CYTH1: variants seen among roughly 807,000 people sequenced by gnomAD.
CYTH1 encodes the protein cytohesin-1.
In CYTH1, 18 loss-of-function variants were observed where a neutral mutation model predicts 61.8. The ratio of observed to expected loss-of-function variants is 0.29; its 90% confidence interval spans 0.20 to 0.43. The LOEUF is 0.43. Among genes scored for constraint, CYTH1 ranks in the 20% least tolerant of loss-of-function variants. The pLI is 1.00. For missense variants in CYTH1, 336 were observed against 510.5 expected (o/e 0.66, Z 3.29); for synonymous variants, 174 against 184.3 (o/e 0.94, Z 0.45).
chr17:78,685,015 A>G (rs1359069800), intron 11 of CYTH1, among the ~76,000 whole-genome samples: 18 of 152,108 alleles, frequency 1.2e-4, no homozygotes, highest in Admixed American at 1.2e-3. Flanking sequence ...CCTGACCAAC[A>G]TGGTGAAACC....
At chr17:78,729,569 CACTAGCAAA>C (rs2093282716) in intron 1 of CYTH1, among the ~76,000 whole-genome samples, 1 of 152,122 alleles carries the variant, frequency 6.6e-6, no homozygotes, top group Non-Finnish European at 1.5e-5. Context: ...AACCTTTTGG[CACTAGCAAA>C]ACATAAAGAG....
chr17:78,753,684 G>T (rs1363857149), intron 1 of CYTH1, among the ~76,000 whole-genome samples: 3 of 152,014 alleles, frequency 2.0e-5, no homozygotes, highest in Non-Finnish European at 4.4e-5. Flanking sequence ...GTACTAAATG[G>T]ACTAAATAGG....
At chr17:78,736,093 A>C (rs2093318844) in intron 1 of CYTH1, among the ~76,000 whole-genome samples, 1 of 152,242 alleles carries the variant, frequency 6.6e-6, no homozygotes, top group African/African-American at 2.4e-5. Flanking sequence ...AAGGGAGAAG[A>C]CCACATCGTC....
intron 10 of CYTH1, among the ~76,000 whole-genome samples, chr17:78,693,922 G>A (rs900551880): frequency 3.9e-5 from 6 of 152,278 alleles, no homozygotes; most frequent in African/African-American, 9.6e-5. Context: ...AGACAATACC[G>A]CTTCTCCAAT....
intron 1 of CYTH1, among the ~76,000 whole-genome samples, chr17:78,768,077 T>G (rs1265602166): frequency 6.6e-6 from 1 of 152,196 alleles, no homozygotes; most frequent in Non-Finnish European, 1.5e-5. Context: ...CATTCAAGAC[T>G]GGCTCGGAAT....
At chr17:78,763,813 T>C (rs910338013) in intron 1 of CYTH1, among the ~76,000 whole-genome samples, 9 of 152,206 alleles carry the variant, frequency 5.9e-5, no homozygotes, top group African/African-American at 2.2e-4. Context: ...TACACTCATC[T>C]TTCAAACATA....
intron 1 of CYTH1, among the ~76,000 whole-genome samples, chr17:78,756,730 G>A (rs2093402759): frequency 6.6e-6 from 1 of 151,966 alleles, no homozygotes; most frequent in African/African-American, 2.4e-5. Flanking sequence ...ATACCACTGG[G>A]GTGAGAGGAT....
chr17:78,744,778 TACCTTCATGACAC>T (rs1477126063), intron 1 of CYTH1, among the ~76,000 whole-genome samples: 2 of 149,886 alleles, frequency 1.3e-5, no homozygotes, highest in East Asian at 3.9e-4. Flanking sequence ...TGCTAGTACA[TACCTTCATGACAC>T]AGACTTTTTA....
At chr17:78,767,151 T>TTTGCTCA (rs2093452000) in intron 1 of CYTH1, among the ~76,000 whole-genome samples, 1 of 152,138 alleles carries the variant, frequency 6.6e-6, no homozygotes, top group Non-Finnish European at 1.5e-5. Flanking sequence ...TCCCAGTAGG[T>TTTGCTCA]AACTGCCTGT....
chr17:78,737,380 C>T (rs185031992), intron 1 of CYTH1, among the ~76,000 whole-genome samples: 182 of 152,200 alleles, frequency 1.2e-3, no homozygotes, highest in Middle Eastern at 6.8e-3. Context: ...ACAGGTGTGA[C>T]CTTTTTTTAT....
chr17:78,703,451 ATT>A (rs2093034621), intron 3 of CYTH1, among the ~76,000 whole-genome samples: 1 of 150,886 alleles, frequency 6.6e-6, no homozygotes, highest in Non-Finnish European at 1.5e-5. Flanking sequence ...TCAGGGTATA[ATT>A]TACTTATAAT....
At chr17:78,685,337 C>G (rs894058503) in intron 11 of CYTH1, among the ~76,000 whole-genome samples, 5 of 147,200 alleles carry the variant, frequency 3.4e-5, no homozygotes, top group African/African-American at 1.2e-4. Flanking sequence ...TTCCTCCTCC[C>G]ACCTCCTGAT....
intron 1 of CYTH1, among the ~76,000 whole-genome samples, chr17:78,753,742 A>T (rs1466377439): frequency 6.6e-6 from 1 of 152,168 alleles, no homozygotes; most frequent in African/African-American, 2.4e-5. Context: ...TGCAAACTTT[A>T]ATTACTTTTA....
Position 78,732,979 on chromosome 17 carries a change from C to A in CYTH1, c.23-23247G>T, listed in dbSNP as rs190182860. The stretch of plus-strand genomic sequence containing the variant: ...GTACGTTCCTGTAGTCCCAGCTACT[C>A]GGGAGCCTGAGGCAGGAGAATCACT... On this transcript the variant is annotated intron_variant, in intron 1 of 13. Transcript: ENST00000446868. 1.5e-3 allele frequency among the ~76,000 whole-genome samples: 215 copies of A among 144,554 alleles called. 4 individuals carry two copies. In the East Asian group the frequency reaches 0.037, roughly 25 times the overall value. 94.8% of individuals were successfully genotyped at this position (144,554 alleles called of 152,430 possible). A position where few individuals can be genotyped will look rare whatever the true frequency, so the allele number is the denominator to read the frequency against.
intron 1 of CYTH1, among the ~76,000 whole-genome samples, chr17:78,767,366 C>A (rs955777629): frequency 6.6e-6 from 1 of 152,108 alleles, no homozygotes. Flanking sequence ...AGCTGAAAGT[C>A]CCCAGGCTCC....
intron 2 of CYTH1, chr17:78,709,040 T>C (rs1454038945): frequency 2.0e-5 from 3 of 152,316 alleles, no homozygotes; most frequent in Non-Finnish European, 4.4e-5. Context: ...AATCCAACTA[T>C]TGGCTTCTAG....
At chr17:78,709,516 C>A (rs779220126) in intron 2 of CYTH1, 134 bp downstream of exon 2, 4 of 798,100 alleles carry the variant, frequency 5.0e-6, no homozygotes, top group South Asian at 5.0e-5. Flanking sequence ...TCAACACCTA[C>A]GCTTTGTGCA....
In CYTH1 at chr17:78,743,490, G is replaced by A. The variant is rs1462445364; in HGVS notation, c.23-33758C>T. Among the ~76,000 whole-genome samples, 2 of 152,152 alleles carry A rather than the reference G, an allele frequency of 1.3e-5. 1 individual carries two copies. The highest frequency in any genetic ancestry group is 3.9e-4 in the East Asian group (2 of 5,188). On this transcript the variant is annotated intron_variant, in intron 1 of 13. Coordinates refer to ENST00000446868, the MANE Select transcript of CYTH1 (RefSeq NM_004762.6). ...TGCCAACATGACACTCAAAGGAAAT[G>A]CTCACTGGAGCATTTTGGATTTCCA...
intron 1 of CYTH1, among the ~76,000 whole-genome samples, chr17:78,734,619 T>C (rs1238326065): frequency 6.6e-6 from 1 of 151,822 alleles, no homozygotes; most frequent in Non-Finnish European, 1.5e-5. Flanking sequence ...TTTGTATTTT[T>C]AGTAGAGACA....
Sources: gnomAD v4.1 joint callset for allele counts (sites outside exome capture counted in the v4.1 genomes callset) on GRCh38, gnomAD v4.1.1 for gene constraint, MANE v1.5 for transcripts, NCBI Gene and HGNC (gene_info 2026-07-23, HGNC 2026-07-21) for gene names.